KDM6A: variants seen among roughly 807,000 people sequenced by gnomAD.
The protein encoded by KDM6A is lysine demethylase 6A, also known as lysine-specific demethylase 6A.
KDM6A carries 11 observed loss-of-function variants against 117.6 expected under a neutral mutation model. The observed-to-expected ratio is 0.09, with a 90% CI of 0.06 to 0.15. KDM6A has a LOEUF of 0.15. Among genes scored for constraint, KDM6A ranks in the 10% least tolerant of loss-of-function variants. The pLI is 1.00. For missense variants in KDM6A, 799 were observed against 1,077.3 expected, an observed-to-expected ratio of 0.74 and a Z score of 3.62; for synonymous variants, 384 against 396.1, an observed-to-expected ratio of 0.97 and a Z score of 0.36.
At chrX:45,064,704 CTA>C (rs1218474450) in intron 17 of KDM6A, among the ~76,000 whole-genome samples, 1 of 111,755 alleles carries the variant, frequency 8.9e-6, no homozygotes, top group Non-Finnish European at 1.9e-5. Context: ...TATTAATTTA[CTA>C]TGAGAAATAT....
At chrX:45,094,599 G>GT (rs771111794) in intron 27 of KDM6A, among the ~76,000 whole-genome samples, 2 of 111,949 alleles carry the variant, frequency 1.8e-5, no homozygotes, top group Admixed American at 1.9e-4. Context: ...GAGAGGCCAT[G>GT]TTGTATGAAT....
chrX:44,983,298 C>T (rs1285167658), intron 4 of KDM6A, among the ~76,000 whole-genome samples: 1 of 111,783 alleles, frequency 8.9e-6, no homozygotes, highest in Non-Finnish European at 1.9e-5. Context: ...CATTTTCTGA[C>T]TTTCCGGTGG....
At chrX:44,988,338 C>T (rs2040365050) in intron 4 of KDM6A, among the ~76,000 whole-genome samples, 1 of 110,395 alleles carries the variant, frequency 9.1e-6, no homozygotes, top group African/African-American at 3.3e-5. Context: ...TTTTTAACTT[C>T]TTTGCCAGGG....
In KDM6A at chrX:45,061,396, T is replaced by C. The variant is rs138723332; in HGVS notation, c.1558T>C (p.Cys520Arg). 891 of 1,152,652 alleles carry C rather than the reference T, an allele frequency of 7.7e-4. 1 individual carries two copies. Among genetic ancestry groups the C allele is most frequent in the Non-Finnish European group, 9.4e-4 (796 of 847,277 alleles). The allele number at this position is 1,152,652 out of a possible 1,213,427, so 95.0% of individuals were successfully genotyped here. A position where few individuals can be genotyped will look rare whatever the true frequency, so the allele number is the denominator to read the frequency against. ...PPVQQQAHSW[C>R]LTPQKLQHLE... The stretch of plus-strand genomic sequence containing the variant: ...AGTACAGCAACAAGCTCATTCATGG[T>C]GTTTGACACCACAGAAATTACAGGT... Residue 520 changes from cysteine (C) to arginine (R), a missense_variant, in exon 15 of 30, where the codon TGT (cysteine) becomes CGT (arginine). This residue lies in a region of KDM6A where 301 missense variants were observed against 318.3 expected (regional missense o/e 0.95). Coordinates refer to ENST00000611820, the MANE Select transcript of KDM6A (RefSeq NM_001291415.2).
Position 44,916,775 on chromosome X carries a change from A to G in KDM6A, c.225+42788A>G, listed in dbSNP as rs185530620. 9.1e-5 allele frequency among the ~76,000 whole-genome samples: 10 copies of G among 109,710 alleles called. No homozygotes were observed. The East Asian group carries it at 2.9e-3, about 32-fold the overall frequency. On this transcript the variant is annotated intron_variant, in intron 2 of 29. Coordinates refer to ENST00000611820, the MANE Select transcript of KDM6A (RefSeq NM_001291415.2). ...ATCCTCCCACCTCAGCCTTCCTAGT[A>G]GCTGAGACTACAGGTGCACACTACA... is the stretch of plus-strand genomic sequence containing the variant.
chrX:45,070,704 A>G (rs1238802650), intron 18 of KDM6A, among the ~76,000 whole-genome samples: 1 of 105,608 alleles, frequency 9.5e-6, no homozygotes, highest in African/African-American at 3.5e-5. Flanking sequence ...GGAAAACCCT[A>G]TGGGTTTTTT....
At chrX:45,025,064 C>T (rs1484559208) in intron 6 of KDM6A, among the ~76,000 whole-genome samples, 1 of 112,347 alleles carries the variant, frequency 8.9e-6, no homozygotes. Context: ...AACCAGAGTC[C>T]ATTTCAGGGT....
chrX:45,041,434 C>A (rs1284772283), intron 8 of KDM6A, among the ~76,000 whole-genome samples: 23 of 105,861 alleles, frequency 2.2e-4, no homozygotes, highest in Admixed American at 1.9e-3. Context: ...GGGACTGACC[C>A]CCCCCCACCT....
At chrX:44,946,830 C>T (rs945202507) in intron 2 of KDM6A, among the ~76,000 whole-genome samples, 2 of 111,084 alleles carry the variant, frequency 1.8e-5, no homozygotes, top group Non-Finnish European at 3.8e-5. Context: ...GGTTTCCACA[C>T]GTACAAGTTC....
intron 27 of KDM6A, among the ~76,000 whole-genome samples, chrX:45,100,495 A>G (rs1330077175): frequency 8.9e-6 from 1 of 112,018 alleles, no homozygotes; most frequent in Non-Finnish European, 1.9e-5. Flanking sequence ...AAATTTTAAA[A>G]TATGTCAAAA....
chrX:45,021,905 A>G (rs1449402973), intron 6 of KDM6A, among the ~76,000 whole-genome samples: 1 of 111,929 alleles, frequency 8.9e-6, no homozygotes, highest in Non-Finnish European at 1.9e-5. Context: ...CTGACACCAT[A>G]CTGTGGGACG....
chrX:45,104,620 A>G (rs1338106119), intron 27 of KDM6A, among the ~76,000 whole-genome samples: 3 of 111,105 alleles, frequency 2.7e-5, no homozygotes, highest in Non-Finnish European at 3.8e-5. Flanking sequence ...CTTGCTCATT[A>G]CTGTGGACTC....
chrX:45,052,846 C>G (rs1228597743), intron 9 of KDM6A, among the ~76,000 whole-genome samples: 1 of 110,988 alleles, frequency 9.0e-6, no homozygotes, highest in Non-Finnish European at 1.9e-5. Flanking sequence ...CATGCCACCA[C>G]GCCTGGCTGA....
At chrX:44,964,138 T>C (rs1271488687) in intron 3 of KDM6A, among the ~76,000 whole-genome samples, 1 of 108,978 alleles carries the variant, frequency 9.2e-6, no homozygotes, top group African/African-American at 3.3e-5. Flanking sequence ...TATATAGTCT[T>C]ACAAAATGTA....
intron 2 of KDM6A, among the ~76,000 whole-genome samples, chrX:44,890,923 C>T (rs994191997): frequency 1.8e-5 from 2 of 110,417 alleles, no homozygotes; most frequent in African/African-American, 3.3e-5. Flanking sequence ...GGATTACAGG[C>T]GTGAGCCACT....
At chrX:44,900,283 G>A (rs1361936962) in intron 2 of KDM6A, among the ~76,000 whole-genome samples, 1 of 111,982 alleles carries the variant, frequency 8.9e-6, no homozygotes, top group Admixed American at 9.5e-5. Flanking sequence ...GGAGTAGGAA[G>A]GAGAGGCGGT....
At chrX:44,968,927 G>A (rs1281216251) in intron 3 of KDM6A, among the ~76,000 whole-genome samples, 4 of 102,401 alleles carry the variant, frequency 3.9e-5, no homozygotes, top group Admixed American at 1.1e-4. Flanking sequence ...CTGAGATCAC[G>A]CCATTGCACT....
At chrX:44,884,102 CAAAAA>C (rs60159327) in intron 2 of KDM6A, among the ~76,000 whole-genome samples, 6 of 23,780 alleles carry the variant, frequency 2.5e-4, no homozygotes, top group East Asian at 1.4e-3. Context: ...AACTCTATCT[CAAAAA>C]AAAAAAAAAA....
At chrX:44,936,944 AG>A (rs1321288818) in intron 2 of KDM6A, among the ~76,000 whole-genome samples, 48 of 111,408 alleles carry the variant, frequency 4.3e-4, no homozygotes, top group African/African-American at 1.5e-3. Flanking sequence ...ATCAGGCTTT[AG>A]AAGTAAAGGA....
Sources: allele counts gnomAD v4.1 joint callset (sites outside exome capture counted in the v4.1 genomes callset), GRCh38; gene constraint gnomAD v4.1.1; regional missense constraint gnomAD v4.1.1; transcripts MANE v1.5; gene names NCBI Gene and HGNC (gene_info 2026-07-23, HGNC 2026-07-21).